The following ENOX1 variants were observed in gnomAD, a reference collection of about 807,000 sequenced individuals.
ENOX1 encodes the protein ecto-NOX disulfide-thiol exchanger 1, also known as candidate growth-related and time keeping constitutive hydroquinone (NADH) oxidase.
Under a neutral mutation model 82.5 loss-of-function variants are expected in ENOX1, and 42 were observed. The observed-to-expected ratio is 0.51, with a 90% confidence interval of 0.40 to 0.66. The LOEUF (loss-of-function observed/expected upper bound fraction) is 0.66. ENOX1 is among the 30% of genes least tolerant of loss of function. The pLI, the probability that ENOX1 is intolerant of heterozygous loss-of-function variation, is 0.00. For synonymous variants in ENOX1, 271 were observed against 282.2 expected (o/e 0.96, Z 0.40); for missense variants, 608 against 811.6 (o/e 0.75, Z 3.05).
intron 1 of ENOX1, among the ~76,000 whole-genome samples, chr13:43,696,701 G>A (rs553265923): frequency 2.0e-5 from 3 of 151,866 alleles, no homozygotes; most frequent in Non-Finnish European, 2.9e-5. Context: ...ATGGATGCAC[G>A]CACTTAGACC....
chr13:43,234,335 C>G (rs1562120), intron 15 of ENOX1, among the ~76,000 whole-genome samples: 1 of 152,168 alleles, frequency 6.6e-6, no homozygotes, highest in African/African-American at 2.4e-5. Flanking sequence ...GAAATCACAT[C>G]TGTTGCCAAA....
intron 9 of ENOX1, among the ~76,000 whole-genome samples, chr13:43,333,036 A>T (rs1220267748): frequency 6.6e-6 from 1 of 152,226 alleles, no homozygotes; most frequent in East Asian, 1.9e-4. Flanking sequence ...TTACTTACAC[A>T]AAGGTGCTAA....
rs533112327 is a variant in ENOX1, at chr13:43,717,971, T to C, written c.-284-50427A>G. On this transcript the variant is annotated intron_variant, in intron 1 of 16. Coordinates refer to ENST00000690772, the MANE Select transcript of ENOX1 (RefSeq NM_001347969.2). ...AGTTCAGTCACTGTGGAAAGAAGCC[T>C]GGAGATTTCTCAAAAAAGTTATAAT... 2.8e-4 allele frequency among the ~76,000 whole-genome samples: 43 copies of C among 152,330 alleles called. 3 individuals are homozygous for C. The highest frequency in any genetic ancestry group is 9.9e-4 in the African/African-American group (41 of 41,568).
At chr13:43,300,196 C>T (rs976475963) in intron 11 of ENOX1, among the ~76,000 whole-genome samples, 15 of 152,112 alleles carry the variant, frequency 9.9e-5, no homozygotes, top group African/African-American at 3.6e-4. Flanking sequence ...TGCTCAGGTC[C>T]GTGAGGGCAT....
intron 2 of ENOX1, among the ~76,000 whole-genome samples, chr13:43,502,946 A>G (rs1161300412): frequency 6.6e-6 from 1 of 151,600 alleles, no homozygotes; most frequent in African/African-American, 2.4e-5. Context: ...TGCTGATGAC[A>G]TGATTTTATA....
intron 12 of ENOX1, among the ~76,000 whole-genome samples, chr13:43,294,021 T>C (rs747800555): frequency 3.3e-5 from 5 of 152,132 alleles, no homozygotes; most frequent in Non-Finnish European, 5.9e-5. Flanking sequence ...ATTTTTTTTT[T>C]CCTGATCTTC....
intron 1 of ENOX1, among the ~76,000 whole-genome samples, chr13:43,780,460 T>C (rs1288344823): frequency 1.3e-5 from 2 of 152,316 alleles, no homozygotes; most frequent in East Asian, 3.9e-4. Context: ...TATCAGCTTT[T>C]ACACTTTGAC....
chr13:43,492,548 T>C (rs950190523), intron 2 of ENOX1, among the ~76,000 whole-genome samples: 2 of 152,176 alleles, frequency 1.3e-5, no homozygotes, highest in Non-Finnish European at 2.9e-5. Context: ...TTAACCCCAG[T>C]GCATCGTAAG....
chr13:43,323,707 T>G (rs1276954344), intron 10 of ENOX1, among the ~76,000 whole-genome samples: 1 of 152,196 alleles, frequency 6.6e-6, no homozygotes, highest in Non-Finnish European at 1.5e-5. Context: ...ATAGTTAAAA[T>G]AATTTCATGT....
chr13:43,511,932 T>C (rs771716319), intron 2 of ENOX1, among the ~76,000 whole-genome samples: 8 of 152,168 alleles, frequency 5.3e-5, no homozygotes, highest in Non-Finnish European at 8.8e-5. Context: ...TGTATACTTA[T>C]GTATATTATG....
chr13:43,369,167 C>G (rs1459729829), intron 5 of ENOX1, among the ~76,000 whole-genome samples: 1 of 152,188 alleles, frequency 6.6e-6, no homozygotes, highest in Non-Finnish European at 1.5e-5. Flanking sequence ...CTCTTTCCCA[C>G]TGTTCCTGGT....
intron 3 of ENOX1, among the ~76,000 whole-genome samples, chr13:43,470,362 A>ATG (rs2057991652): frequency 1.9e-5 from 1 of 53,512 alleles, no homozygotes; most frequent in African/African-American, 7.6e-5. Context: ...ATGTATATAT[A>ATG]TACGTATATA....
chr13:43,675,526 A>G (rs2085468486), intron 1 of ENOX1, among the ~76,000 whole-genome samples: 1 of 152,212 alleles, frequency 6.6e-6, no homozygotes, highest in Non-Finnish European at 1.5e-5. Context: ...ATGCATATAT[A>G]CATGGATATA....
chr13:43,769,564 G>A (rs1282904630), intron 1 of ENOX1, among the ~76,000 whole-genome samples: 1 of 152,214 alleles, frequency 6.6e-6, no homozygotes, highest in Non-Finnish European at 1.5e-5. Context: ...GAATGGAGAA[G>A]GAGATAGTAA....
At chr13:43,719,971 C>T (rs2088453984) in intron 1 of ENOX1, among the ~76,000 whole-genome samples, 1 of 152,080 alleles carries the variant, frequency 6.6e-6, no homozygotes, top group African/African-American at 2.4e-5. Flanking sequence ...GCAGGTTCAC[C>T]TAATCCTCTC....
chr13:43,332,141 C>T (rs934136958), intron 9 of ENOX1, among the ~76,000 whole-genome samples: 6 of 152,092 alleles, frequency 3.9e-5, no homozygotes, highest in African/African-American at 7.2e-5. Flanking sequence ...TAGATGAGGC[C>T]AGATATTTGT....
chr13:43,621,010 CTT>C (rs1194834251), intron 2 of ENOX1, among the ~76,000 whole-genome samples: 4 of 152,090 alleles, frequency 2.6e-5, no homozygotes, highest in Non-Finnish European at 1.5e-5. Context: ...ATCTCTGTCT[CTT>C]TTAACTGTTG....
At chr13:43,531,408 A>C (rs12018413) in intron 2 of ENOX1, among the ~76,000 whole-genome samples, 1 of 151,548 alleles carries the variant, frequency 6.6e-6, no homozygotes, top group Non-Finnish European at 1.5e-5. Flanking sequence ...GGTGATCATT[A>C]AAAAGTCAGG....
intron 14 of ENOX1, among the ~76,000 whole-genome samples, chr13:43,264,309 T>C (rs1432104530): frequency 1.3e-5 from 2 of 152,224 alleles, no homozygotes; most frequent in Non-Finnish European, 2.9e-5. Context: ...TGTACACTTA[T>C]CATGTCCTGT....
Sources: gnomAD v4.1 joint callset for allele counts (sites outside exome capture counted in the v4.1 genomes callset) on GRCh38, gnomAD v4.1.1 for gene constraint, MANE v1.5 for transcripts, NCBI Gene and HGNC (gene_info 2026-07-23, HGNC 2026-07-21) for gene names.